The following ZNF569 variants were observed in gnomAD, a reference collection of about 807,000 sequenced individuals.
The protein encoded by ZNF569 is DNA-binding protein.
A neutral mutation model predicts 56.3 loss-of-function variants in ZNF569; 38 were observed. The ratio of observed to expected loss-of-function variants is 0.68; its 90% CI spans 0.52 to 0.88. The LOEUF (loss-of-function observed/expected upper bound fraction) is 0.88, where lower values mean the gene tolerates loss of function less well. Among genes scored for constraint, ZNF569 ranks in the 40% least tolerant of loss-of-function variants. The pLI is 0.00. For synonymous variants in ZNF569, 241 were observed against 262.9 expected (o/e 0.92, Z 0.81); for missense variants, 666 against 809.2 (o/e 0.82, Z 2.15).
chr19:37,458,927 G>C (rs1370181689), intron 2 of ZNF569, among the ~76,000 whole-genome samples: 2 of 151,864 alleles, frequency 1.3e-5, no homozygotes, highest in African/African-American at 2.4e-5. Flanking sequence ...ACACAGTAGA[G>C]GAAACAATCA....
In ZNF569 at chr19:37,414,153, C is replaced by T; in HGVS notation, c.505G>A (p.Glu169Lys). The T allele has an allele frequency of 6.2e-7, 1 of 1,613,614 alleles. No individual in the cohort carries two copies. Among genetic ancestry groups the T allele is most frequent in the Non-Finnish European group, 8.5e-7 (1 of 1,179,846 alleles). ...LMRKEHCEYN[E>K]PVKSYGNSSS... ...CTATTACCATATGATTTCACAGGTTCATTATATTCACAATGCTCCTTTCTC... is the reference window on the plus strand; with the variant it reads ...CTATTACCATATGATTTCACAGGTTTATTATATTCACAATGCTCCTTTCTC... Residue 169 changes from glutamate (E) to lysine (K), a missense_variant, in exon 6 of 6, where the codon GAA becomes AAA. By Grantham distance (56) the Glu-to-Lys change is moderately conservative. Transcript: ENST00000316950.
In ZNF569 at chr19:37,459,202, G is replaced by A. The variant is rs182324172; in HGVS notation, c.-44+6111C>T. On this transcript the variant is annotated intron_variant, in intron 2 of 5. Transcript: ENST00000316950. ...TGACACACACCAAACCATAGGCTGA[G>A]GAAGCGCAAAGAACACTAAGCAAGA... 4.5e-4 allele frequency among the ~76,000 whole-genome samples: 69 copies of A among 152,024 alleles called. No homozygotes were observed. In the Middle Eastern group the frequency reaches 0.014, roughly 30 times the overall value.
rs754665548 is a variant in ZNF569 at position 37,413,580 on chromosome 19, C to G, written c.1078G>C (p.Gly360Arg). The change falls in exon 6 of 6, where the codon GGT becomes CGT. Residue 360 changes from glycine to arginine, a missense_variant. Coordinates refer to ENST00000316950, the MANE Select transcript of ZNF569 (RefSeq NM_152484.3). ...ATGGAAAACTGAGAGAAGGCTTTAC[C>G]ACATTTATCACATTTATAAGGTTTT... The part of the protein sequence containing the change: ...GEKPYKCDKC[G>R]KAFSQFSMLI... The G allele has an allele frequency of 3.1e-6, 5 of 1,613,350 alleles. No individual in the cohort carries two copies. The Admixed American group carries it at 6.7e-5, about 22-fold the overall frequency.
upstream of ZNF569, chr19:37,469,028 C>T (rs2041903836): frequency 1.0e-6 from 1 of 987,666 alleles, no homozygotes; most frequent in Non-Finnish European, 1.2e-6. Context: ...GCCCTGGTTG[C>T]TAAGGGAGGC....
chr19:37,417,027 C>A (rs377152929), intron 5 of ZNF569, among the ~76,000 whole-genome samples: 9 of 152,062 alleles, frequency 5.9e-5, no homozygotes, highest in African/African-American at 1.9e-4. Flanking sequence ...CCATGCGATA[C>A]GACTCGTGTT....
chr19:37,467,397 A>T lies in ZNF569; in HGVS notation c.-518T>A, dbSNP rs1759247831. ...GCGAGCCCAGCTCTGAGAGATTGGG[A>T]GCGCAACTTGGTGCTGAGAAGAATC... On this transcript the variant is annotated 5_prime_UTR_variant, in exon 1 of 6. Coordinates refer to ENST00000316950, the MANE Select transcript of ZNF569 (RefSeq NM_152484.3). 1 of 159,586 alleles carries T rather than the reference A, an allele frequency of 6.3e-6. No individual in the cohort carries two copies. The allele number at this position is 159,586 out of a possible 1,614,324, so 9.9% of individuals were successfully genotyped here.
At position 37,414,316 on chromosome 19, in the gene ZNF569, T is replaced by G. The variant is rs914694812; in HGVS notation, c.342A>C (p.Glu114Asp). The G allele has an allele frequency of 3.7e-6, 6 of 1,613,700 alleles. No individual in the cohort carries two copies. The highest frequency in any genetic ancestry group is 5.1e-6 in the Non-Finnish European group (6 of 1,179,812). Residue 114 changes from glutamate to aspartate, a missense_variant, in exon 6 of 6, where the codon GAA becomes GAC. Coordinates refer to ENST00000316950, the MANE Select transcript of ZNF569 (RefSeq NM_152484.3). Reference sequence around the variant, plus strand: ...ATACATTTGCAAATTTCTTTTGACATTCATTGCCTTTTTCTTCAGTCAGTG... The same window carrying G: ...ATACATTTGCAAATTTCTTTTGACAGTCATTGCCTTTTTCTTCAGTCAGTG... ...QKTLTEEKGNECQKKFANVFP... is the reference protein window; with the variant it reads ...QKTLTEEKGNDCQKKFANVFP...
intron 3 of ZNF569, among the ~76,000 whole-genome samples, chr19:37,436,007 T>C (rs542586263): frequency 4.1e-4 from 62 of 152,302 alleles, no homozygotes; most frequent in African/African-American, 1.4e-3. Flanking sequence ...ATAATAGATA[T>C]ATACAGACCA....
chr19:37,467,664 C>T (rs1600367114), upstream of ZNF569: 7 of 599,536 alleles, frequency 1.2e-5, no homozygotes, highest in African/African-American at 5.6e-5. Flanking sequence ...AAGGCCGGGT[C>T]AGCTGGAGCC....
At chr19:37,418,395 T>C (rs370626254) in intron 5 of ZNF569, among the ~76,000 whole-genome samples, 3 of 152,164 alleles carry the variant, frequency 2.0e-5, no homozygotes, top group South Asian at 4.1e-4. Context: ...TCAGATTCTA[T>C]CCAAAAGTGC....
At chr19:37,469,144 T>G (rs1408562220), upstream of ZNF569, 2 of 1,119,828 alleles carry the variant, frequency 1.8e-6, no homozygotes, top group African/African-American at 1.6e-5. Context: ...GAATCCGGAC[T>G]TTCGGGCTCT....
chr19:37,438,493 C>T (rs146975922), intron 3 of ZNF569, among the ~76,000 whole-genome samples: 332 of 152,182 alleles, frequency 2.2e-3, no homozygotes, highest in South Asian at 3.5e-3. Context: ...TTTTCAACAG[C>T]GGTGCCGAGA....
intron 2 of ZNF569, among the ~76,000 whole-genome samples, chr19:37,453,762 A>G (rs2041630852): frequency 1.3e-5 from 2 of 152,148 alleles, no homozygotes; most frequent in South Asian, 2.1e-4. Context: ...CTCAGCCATC[A>G]TTTATTTAAA....
At chr19:37,446,590 C>A (rs554167426) in intron 2 of ZNF569, among the ~76,000 whole-genome samples, 3 of 149,148 alleles carry the variant, frequency 2.0e-5, no homozygotes, top group Non-Finnish European at 3.0e-5. Context: ...GGATCCTTAT[C>A]TCTCACCTTA....
At chr19:37,441,649 C>A (rs1318778970) in intron 3 of ZNF569, among the ~76,000 whole-genome samples, 8 of 150,960 alleles carry the variant, frequency 5.3e-5, no homozygotes. Context: ...GAGTAAGACC[C>A]TGTTTCAAAA....
chr19:37,468,105 G>A (rs2146994038), upstream of ZNF569: 1 of 643,266 alleles, frequency 1.6e-6, no homozygotes, highest in East Asian at 2.8e-5. Flanking sequence ...TTTTTTTTGA[G>A]GCAGAGCCTC....
chr19:37,468,011 A>C (rs1294095452), upstream of ZNF569: 6 of 1,320,790 alleles, frequency 4.5e-6, no homozygotes, highest in Non-Finnish European at 6.3e-6. Context: ...TTCTAAACAG[A>C]CTTGGCCTTA....
chr19:37,461,541 G>C (rs775659262), intron 2 of ZNF569, among the ~76,000 whole-genome samples: 1 of 151,924 alleles, frequency 6.6e-6, no homozygotes, highest in African/African-American at 2.4e-5. Context: ...TCTTGATCTC[G>C]CAATGTGCCC....
chr19:37,414,314 C>T lies in ZNF569; in HGVS notation c.344G>A (p.Cys115Tyr), dbSNP rs140750555. ...AAATACATTTGCAAATTTCTTTTGACATTCATTGCCTTTTTCTTCAGTCAG... is the reference window on the plus strand; with the variant it reads ...AAATACATTTGCAAATTTCTTTTGATATTCATTGCCTTTTTCTTCAGTCAG... Reference protein sequence around the residue: ...KTLTEEKGNECQKKFANVFPL... With the variant: ...KTLTEEKGNEYQKKFANVFPL... Residue 115 changes from cysteine (C) to tyrosine (Y), a missense_variant, in exon 6 of 6, where the codon TGT becomes TAT. By Grantham distance (194) the Cys-to-Tyr change is radical. Coordinates refer to ENST00000316950, the MANE Select transcript of ZNF569 (RefSeq NM_152484.3). 30 of 1,613,524 alleles carry T rather than the reference C, an allele frequency of 1.9e-5. No individual in the cohort carries two copies. In the African/African-American group the frequency reaches 3.5e-4, roughly 19 times the overall value.
Sources: gnomAD v4.1 joint callset for allele counts (sites outside exome capture counted in the v4.1 genomes callset) on GRCh38, gnomAD v4.1.1 for gene constraint, MANE v1.5 for transcripts, NCBI Gene and HGNC (gene_info 2026-07-23, HGNC 2026-07-21) for gene names.